Variants in TMCO4 observed in about 807,000 individuals in gnomAD.
The protein encoded by TMCO4 is transmembrane and coiled-coil domains 4, also known as transmembrane and coiled-coil domain-containing protein 4.
TMCO4 carries 58 observed loss-of-function variants against 64.7 expected under a neutral mutation model. The observed-to-expected ratio is 0.90, with a 90% CI of 0.73 to 1.12. TMCO4 has a LOEUF of 1.12. Among genes scored for constraint, TMCO4 ranks in the 50% most tolerant of loss-of-function variants. The pLI, the probability that TMCO4 is intolerant of heterozygous loss-of-function variation, is 0.00. For synonymous variants in TMCO4, 325 were observed against 346.1 expected, an observed-to-expected ratio of 0.94 and a Z score of 0.68; for missense variants, 780 against 825.9, an observed-to-expected ratio of 0.94 and a Z score of 0.68.
At chr1:19,696,143 C>G (rs754140533) in intron 14 of TMCO4, among the ~76,000 whole-genome samples, 12 of 152,202 alleles carry the variant, frequency 7.9e-5, no homozygotes, top group Non-Finnish European at 1.3e-4. Flanking sequence ...GACCATAGCT[C>G]TCCATTACCT....
At chr1:19,774,618 C>T (rs1200110305) in intron 4 of TMCO4, among the ~76,000 whole-genome samples, 5 of 152,094 alleles carry the variant, frequency 3.3e-5, no homozygotes, top group East Asian at 3.8e-4. Context: ...CATTTTAGAT[C>T]GGCAGGGCCT....
intron 6 of TMCO4, among the ~76,000 whole-genome samples, chr1:19,770,274 G>A (rs1400666450): frequency 2.6e-5 from 4 of 152,212 alleles, no homozygotes; most frequent in African/African-American, 9.6e-5. Context: ...TGGGTGGAGA[G>A]GGGAAGGAAC....
chr1:19,764,090 G>A (rs1240798497), intron 6 of TMCO4, among the ~76,000 whole-genome samples: 1 of 152,250 alleles, frequency 6.6e-6, no homozygotes, highest in East Asian at 1.9e-4. Context: ...TGTAGGATCA[G>A]TAAGAGAAGC....
chr1:19,709,350 C>G (rs377152585), intron 13 of TMCO4, among the ~76,000 whole-genome samples: 6 of 148,192 alleles, frequency 4.0e-5, no homozygotes, highest in Admixed American at 1.3e-4. Context: ...CCCCTCCCCC[C>G]ACCCCAGGGG....
chr1:19,735,658 A>G (rs1041515081), intron 13 of TMCO4, among the ~76,000 whole-genome samples: 6 of 152,132 alleles, frequency 3.9e-5, no homozygotes, highest in African/African-American at 1.4e-4. Flanking sequence ...CCACAGCCAA[A>G]TGGTTCATGG....
chr1:19,778,076 C>A (rs1286392870), intron 4 of TMCO4, among the ~76,000 whole-genome samples: 3 of 152,024 alleles, frequency 2.0e-5, no homozygotes, highest in Non-Finnish European at 4.4e-5. Context: ...ACAAAAATAT[C>A]CTAAGTGGTA....
intron 13 of TMCO4, among the ~76,000 whole-genome samples, chr1:19,731,263 G>A (rs2095428738): frequency 6.6e-6 from 1 of 152,148 alleles, no homozygotes; most frequent in Non-Finnish European, 1.5e-5. Context: ...CAGGGTCCAT[G>A]CCATCCATCA....
intron 2 of TMCO4, among the ~76,000 whole-genome samples, chr1:19,792,347 C>T (rs1296429953): frequency 6.6e-6 from 1 of 152,200 alleles, no homozygotes; most frequent in African/African-American, 2.4e-5. Flanking sequence ...TGGAATGGGA[C>T]CTTGTTTTGA....
intron 15 of TMCO4, among the ~76,000 whole-genome samples, chr1:19,690,841 T>C (rs2095187161): frequency 6.6e-6 from 1 of 150,822 alleles, no homozygotes; most frequent in Non-Finnish European, 1.5e-5. Context: ...TTACAGCATG[T>C]GAGCCAAGTC....
intron 13 of TMCO4, among the ~76,000 whole-genome samples, chr1:19,718,575 C>T (rs1483134542): frequency 7.2e-6 from 1 of 139,446 alleles, no homozygotes. Context: ...CATTTGAGCC[C>T]AGGAGTCTGA....
intron 7 of TMCO4, among the ~76,000 whole-genome samples, chr1:19,750,804 G>A (rs1056498063): frequency 3.3e-5 from 5 of 152,134 alleles, no homozygotes; most frequent in Admixed American, 3.3e-4. Context: ...CAACCTTCAG[G>A]AGTCAGCCGA....
At chr1:19,694,366 G>A (rs1315101394) in intron 15 of TMCO4, 68 bp downstream of exon 15, 15 of 1,402,114 alleles carry the variant, frequency 1.1e-5, no homozygotes, top group African/African-American at 1.4e-5. Flanking sequence ...GTCTCCAGGG[G>A]ACAGGGGTGG....
At chr1:19,729,945 C>A (rs2095423608) in intron 13 of TMCO4, among the ~76,000 whole-genome samples, 1 of 152,130 alleles carries the variant, frequency 6.6e-6, no homozygotes, top group Non-Finnish European at 1.5e-5. Flanking sequence ...CTACTATGTA[C>A]CCATACACAT....
chr1:19,739,866 C>T lies in TMCO4; in HGVS notation c.1137G>A (p.Glu379=). 1 of 1,613,932 alleles carries T rather than the reference C, an allele frequency of 6.2e-7. No individual in the cohort carries two copies. The highest frequency in any genetic ancestry group is 8.5e-7 in the Non-Finnish European group (1 of 1,179,942). Residue 379 remains glutamate, a synonymous_variant, in exon 12 of 16, where the codon GAG becomes GAA. Transcript: ENST00000294543. The part of the protein sequence containing the change: ...PWGVCLHRSA[E]VGKHLAHILL... ...GGATGTGGGCCAGGTGCTTGCCAAC[C>T]TCTGCTGATCGATGGAGACACACCC...
chr1:19,786,500 G>A (rs2043749911), intron 3 of TMCO4, among the ~76,000 whole-genome samples: 1 of 152,186 alleles, frequency 6.6e-6, no homozygotes, highest in South Asian at 2.1e-4. Context: ...AGGTAGAGGA[G>A]AAACACTTTA....
intron 7 of TMCO4, among the ~76,000 whole-genome samples, chr1:19,748,440 T>C (rs1399677483): frequency 6.6e-6 from 1 of 152,242 alleles, no homozygotes; most frequent in Non-Finnish European, 1.5e-5. Flanking sequence ...GAAAAATGTA[T>C]GTGCTCAACC....
intron 6 of TMCO4, among the ~76,000 whole-genome samples, chr1:19,768,755 T>C (rs2042852672): frequency 6.6e-6 from 1 of 152,126 alleles, no homozygotes. Context: ...AGAGCAGCGC[T>C]CCTCTAAGTA....
chr1:19,726,918 C>T (rs2095411148), intron 13 of TMCO4, among the ~76,000 whole-genome samples: 1 of 152,244 alleles, frequency 6.6e-6, no homozygotes, highest in African/African-American at 2.4e-5. Context: ...CAGGGATTCC[C>T]ACGGGAGATC....
chr1:19,697,320 C>G (rs1171331554), intron 14 of TMCO4, among the ~76,000 whole-genome samples: 1 of 151,482 alleles, frequency 6.6e-6, no homozygotes, highest in Non-Finnish European at 1.5e-5. Flanking sequence ...TGCAGTGGCA[C>G]GATCTTGGCT....
Sources: allele counts gnomAD v4.1 joint callset (sites outside exome capture counted in the v4.1 genomes callset), GRCh38; gene constraint gnomAD v4.1.1; transcripts MANE v1.5; gene names NCBI Gene and HGNC (gene_info 2026-07-23, HGNC 2026-07-21).